CSMD1: variants seen among roughly 807,000 people sequenced by gnomAD.
The protein encoded by CSMD1 is CUB and Sushi multiple domains 1.
A neutral mutation model predicts 417.5 loss-of-function variants in CSMD1; 213 were observed. The ratio of observed to expected loss-of-function variants is 0.51; its 90% CI spans 0.46 to 0.57. The LOEUF (loss-of-function observed/expected upper bound fraction) is 0.57. Ranked by LOEUF, CSMD1 falls within the 20% of genes least tolerant of loss-of-function variation. The pLI is 0.00. For missense variants in CSMD1, 6,923 were observed against 4,529.7 expected, an observed-to-expected ratio of 1.53 and a Z score of -15.17; for synonymous variants, 2,862 against 1,736.8, an observed-to-expected ratio of 1.65 and a Z score of -16.11.
chr8:4,890,692 G>A (rs1804058871), intron 1 of CSMD1, among the ~76,000 whole-genome samples: 2 of 152,130 alleles, frequency 1.3e-5, no homozygotes, highest in Admixed American at 1.3e-4. Flanking sequence ...CCCCTGCTTT[G>A]GTTTTGTTCT....
rs575018351 is a variant in CSMD1 at position 2,990,843 on chromosome 8, T to C, written c.8377+7168A>G. On this transcript the variant is annotated intron_variant, in intron 54 of 69. Transcript: ENST00000635120. ...AGAGCTATGCAAGGTATTGAGCAAA[T>C]GAGATAGTTTGAAACTTCGCATCTG... 3.9e-5 allele frequency among the ~76,000 whole-genome samples: 6 copies of C among 152,242 alleles called. No homozygotes were observed. The East Asian group carries it at 1.2e-3, about 29-fold the overall frequency.
At chr8:4,220,704 G>C (rs1800977939) in intron 3 of CSMD1, among the ~76,000 whole-genome samples, 1 of 152,284 alleles carries the variant, frequency 6.6e-6, no homozygotes, top group East Asian at 1.9e-4. Flanking sequence ...CATTTCCCAG[G>C]TGCATGCATT....
At chr8:4,182,692 T>A (rs17069232) in intron 3 of CSMD1, among the ~76,000 whole-genome samples, 1 of 152,124 alleles carries the variant, frequency 6.6e-6, no homozygotes, top group African/African-American at 2.4e-5. Context: ...CCCGATTAAT[T>A]TGAAGCTTTA....
intron 5 of CSMD1, among the ~76,000 whole-genome samples, chr8:3,927,581 C>T (rs1412974481): frequency 6.7e-6 from 1 of 149,580 alleles, no homozygotes; most frequent in African/African-American, 2.4e-5. Flanking sequence ...AGGAGAATCG[C>T]TTGAAACTGG....
chr8:3,455,936 C>T (rs977913577), intron 12 of CSMD1, among the ~76,000 whole-genome samples: 2 of 152,194 alleles, frequency 1.3e-5, no homozygotes, highest in Non-Finnish European at 2.9e-5. Context: ...AGGCAGGCCT[C>T]CTTGAGCTGA....
At chr8:3,452,549 G>A (rs187524014) in intron 12 of CSMD1, among the ~76,000 whole-genome samples, 6 of 152,152 alleles carry the variant, frequency 3.9e-5, no homozygotes, top group African/African-American at 1.4e-4. Context: ...TTTGTCAAAG[G>A]CCTTTTCTGC....
chr8:4,031,650 AATATT>A (rs1797352720), intron 4 of CSMD1, among the ~76,000 whole-genome samples: 1 of 152,098 alleles, frequency 6.6e-6, no homozygotes, highest in South Asian at 2.1e-4. Flanking sequence ...TATAACATGT[AATATT>A]ATATATTATT....
chr8:4,309,933 A>G (rs1053824611), intron 3 of CSMD1, among the ~76,000 whole-genome samples: 1 of 152,180 alleles, frequency 6.6e-6, no homozygotes, highest in African/African-American at 2.4e-5. Context: ...CATTAGAAAC[A>G]TGATAGTCGA....
intron 7 of CSMD1, among the ~76,000 whole-genome samples, chr8:3,674,253 T>C (rs1019430970): frequency 1.3e-5 from 2 of 152,216 alleles, no homozygotes; most frequent in East Asian, 1.9e-4. Context: ...ATTTTGTTAG[T>C]TGACTGTAAC....
At chr8:3,675,816 A>G (rs1799344392) in intron 7 of CSMD1, among the ~76,000 whole-genome samples, 1 of 152,224 alleles carries the variant, frequency 6.6e-6, no homozygotes, top group Non-Finnish European at 1.5e-5. Context: ...TATAGCAGCC[A>G]GAGTTGACTA....
At position 3,087,297 on chromosome 8, in the gene CSMD1, CAG is replaced by C. The variant is rs756514880; in HGVS notation, c.7286-14_7286-13del. 1 of 1,610,800 alleles carries C rather than the reference CAG, an allele frequency of 6.2e-7. No individual in the cohort carries two copies. The highest frequency in any genetic ancestry group is 1.1e-5 in the South Asian group (1 of 90,992). On this transcript the variant is annotated splice_polypyrimidine_tract_variant and intron_variant, in intron 48 of 69. Coordinates refer to ENST00000635120, the MANE Select transcript of CSMD1 (RefSeq NM_033225.6). ...ACTGCAGTAAGGTGCTGTGGGCAGA[CAG>C]ACACACACAGAAATAAGTCAACAAG...
chr8:3,055,460 G>C, intron 49 of CSMD1, among the ~76,000 whole-genome samples: 1 of 152,180 alleles, frequency 6.6e-6, no homozygotes, highest in East Asian at 1.9e-4. Flanking sequence ...TGGAGACACA[G>C]CATAATCCTT....
intron 3 of CSMD1, among the ~76,000 whole-genome samples, chr8:4,232,513 A>C (rs1415290697): frequency 6.6e-6 from 1 of 152,114 alleles, no homozygotes; most frequent in African/African-American, 2.4e-5. Context: ...ATGTCCTTTA[A>C]ATTACACACT....
chr8:4,978,695 T>C (rs557646511), intron 1 of CSMD1, among the ~76,000 whole-genome samples: 3 of 152,176 alleles, frequency 2.0e-5, no homozygotes, highest in Non-Finnish European at 4.4e-5. Context: ...CCCAGCACTT[T>C]GGGAGGCCAA....
chr8:3,142,342 C>A (rs1450099897), intron 41 of CSMD1, 123 bp downstream of exon 41: 35 of 872,722 alleles, frequency 4.0e-5, no homozygotes, highest in Non-Finnish European at 5.7e-5. Context: ...AACCAACATT[C>A]CACCAAAAAA....
At position 4,570,307 on chromosome 8, in the gene CSMD1, T is replaced by C. The variant is rs183514819; in HGVS notation, c.302+67035A>G. On this transcript the variant is annotated intron_variant, in intron 2 of 69. Transcript: ENST00000635120. ...ACACAGCTCTTATTATTTTGACATA[T>C]GTTCCGTCAATACCTAGTTTATTAT... Among the ~76,000 whole-genome samples the C allele has an allele frequency of 3.4e-3, 520 of 152,308 alleles. 1 individual carries two copies. Among genetic ancestry groups the C allele is most frequent in the Non-Finnish European group, 5.6e-3 (380 of 68,024 alleles).
At chr8:3,743,183 C>T (rs976848031) in intron 6 of CSMD1, among the ~76,000 whole-genome samples, 4 of 152,172 alleles carry the variant, frequency 2.6e-5, no homozygotes, top group East Asian at 1.9e-4. Flanking sequence ...CTGTGCTACA[C>T]GACTCTTTTC....
At chr8:4,717,733 G>T (rs757440554) in intron 1 of CSMD1, among the ~76,000 whole-genome samples, 1 of 152,198 alleles carries the variant, frequency 6.6e-6, no homozygotes, top group East Asian at 1.9e-4. Flanking sequence ...AGCCATGTTT[G>T]CAGGAAGCAA....
At chr8:3,923,605 C>G (rs896588018) in intron 5 of CSMD1, among the ~76,000 whole-genome samples, 1 of 152,146 alleles carries the variant, frequency 6.6e-6, no homozygotes, top group African/African-American at 2.4e-5. Flanking sequence ...CTCATATACT[C>G]ACCATTTTTG....
Sources: allele counts gnomAD v4.1 joint callset (sites outside exome capture counted in the v4.1 genomes callset), GRCh38; gene constraint gnomAD v4.1.1; transcripts MANE v1.5; gene names NCBI Gene and HGNC (gene_info 2026-07-23, HGNC 2026-07-21).